The following OSBPL2 variants were observed in gnomAD, a reference collection of about 807,000 sequenced individuals.
OSBPL2 encodes oxysterol binding protein like 2, also known as oxysterol-binding protein-related protein 2.
In OSBPL2, 18 loss-of-function variants were observed where a neutral mutation model predicts 58.4. That is an observed-to-expected ratio of 0.31 (90% CI 0.21 to 0.46). The LOEUF is 0.46. Among genes scored for constraint, OSBPL2 ranks in the 20% least tolerant of loss-of-function variants. OSBPL2 has a pLI of 1.00. For missense variants in OSBPL2, 461 were observed against 616.5 expected (o/e 0.75, Z 2.67); for synonymous variants, 221 against 234.1 (o/e 0.94, Z 0.51).
intron 4 of OSBPL2, among the ~76,000 whole-genome samples, chr20:62,267,085 A>C (rs1981720087): frequency 6.6e-6 from 1 of 152,250 alleles, no homozygotes; most frequent in Non-Finnish European, 1.5e-5. Context: ...TCCCATCTCT[A>C]CAAAAAAGAA....
intron 4 of OSBPL2, among the ~76,000 whole-genome samples, chr20:62,264,476 C>A (rs146897930): frequency 2.6e-5 from 4 of 152,296 alleles, no homozygotes; most frequent in African/African-American, 4.8e-5. Flanking sequence ...GCGCTTGATG[C>A]CTGAAAACTC....
intron 7 of OSBPL2, chr20:62,280,084 C>A: frequency 7.7e-7 from 1 of 1,304,298 alleles, no homozygotes; most frequent in Non-Finnish European, 1.0e-6. Flanking sequence ...CAGACACAGA[C>A]CGGATGCTGG....
At chr20:62,274,389 C>T (rs79635576) in intron 6 of OSBPL2, among the ~76,000 whole-genome samples, 4,491 of 152,180 alleles carry the variant, frequency 0.03, 203 homozygotes, top group African/African-American at 0.1. Context: ...CCTTCAGGGC[C>T]GTTTGGTGAT....
chr20:62,280,482 G>A (rs566962122), intron 7 of OSBPL2, among the ~76,000 whole-genome samples: 7 of 152,362 alleles, frequency 4.6e-5, no homozygotes, highest in African/African-American at 7.2e-5. Context: ...AATTCCAGAC[G>A]TGTGGCAAAA....
intron 1 of OSBPL2, among the ~76,000 whole-genome samples, chr20:62,239,561 C>T (rs1481525130): frequency 1.3e-5 from 2 of 152,190 alleles, no homozygotes; most frequent in East Asian, 1.9e-4. Flanking sequence ...GGGATGACTG[C>T]CCGGAACACC....
chr20:62,289,027 G>C (rs530100776), intron 11 of OSBPL2, among the ~76,000 whole-genome samples, 180 bp from the exon 12 acceptor site: 34 of 152,298 alleles, frequency 2.2e-4, no homozygotes, highest in Middle Eastern at 3.4e-3. Flanking sequence ...TGCATGATAC[G>C]TGCTTAGTGA....
At chr20:62,274,185 C>A (rs906443896) in intron 6 of OSBPL2, among the ~76,000 whole-genome samples, 4 of 152,206 alleles carry the variant, frequency 2.6e-5, no homozygotes, top group African/African-American at 7.2e-5. Context: ...ACCTGGTTGC[C>A]CTGGGGACTG....
chr20:62,240,034 G>A (rs1979618684), intron 1 of OSBPL2, among the ~76,000 whole-genome samples: 1 of 152,004 alleles, frequency 6.6e-6, no homozygotes, highest in South Asian at 2.1e-4. Flanking sequence ...TTTATTTTTA[G>A]TAGAGATGGG....
chr20:62,269,443 G>A lies in OSBPL2; in HGVS notation c.259-2682G>A, dbSNP rs1030006377. ...TTGCTAGAAGCAGCCCAGTCCCCTC[G>A]TGGGGCTGCATCACTGTGCATTTCC... On this transcript the variant is annotated intron_variant, in intron 4 of 13. Transcript: ENST00000313733. This position sits in a 1 kb window ranked among gnomAD's most constrained non-coding sequence, Gnocchi z 4.2. 5.3e-5 allele frequency among the ~76,000 whole-genome samples: 8 copies of A among 152,204 alleles called. No homozygotes were observed. The highest frequency in any genetic ancestry group is 7.3e-5 in the Non-Finnish European group (5 of 68,038).
In OSBPL2 at chr20:62,250,015, GC is replaced by G. The variant is rs538033027; in HGVS notation, c.-128-6037del. Among the ~76,000 whole-genome samples the G allele has an allele frequency of 5.6e-4, 86 of 152,308 alleles. 1 individual carries two copies. The highest frequency in any genetic ancestry group is 1.9e-3 in the African/African-American group (79 of 41,564). The stretch of plus-strand genomic sequence containing the variant: ...CCTGGTCCTCCTGTCTTTTCTCCCT[GC>G]CCCCAAGGCTCACTCTGAGCTCAGC... On this transcript the variant is annotated intron_variant, in intron 1 of 13. Coordinates refer to ENST00000313733, the MANE Select transcript of OSBPL2 (RefSeq NM_144498.4).
intron 11 of OSBPL2, 52 bp from the exon 12 acceptor site, chr20:62,289,155 T>C: frequency 6.2e-7 from 1 of 1,602,190 alleles, no homozygotes; most frequent in Non-Finnish European, 8.5e-7. Context: ...TGGAGCATAG[T>C]CCATGGTTCA....
chr20:62,261,284 C>G (rs1981284707), intron 3 of OSBPL2, among the ~76,000 whole-genome samples: 1 of 149,650 alleles, frequency 6.7e-6, no homozygotes, highest in African/African-American at 2.5e-5. Context: ...CCGCTGCACT[C>G]CAGCCTGGGT....
intron 1 of OSBPL2, among the ~76,000 whole-genome samples, chr20:62,243,184 C>T (rs1436432648): frequency 6.6e-6 from 1 of 152,240 alleles, no homozygotes; most frequent in Non-Finnish European, 1.5e-5. Context: ...TACCCTCTTA[C>T]TGTGAAAGAG....
chr20:62,267,995 G>C (rs1296992317), intron 4 of OSBPL2, among the ~76,000 whole-genome samples: 1 of 151,554 alleles, frequency 6.6e-6, no homozygotes. Flanking sequence ...CAATTCTCCT[G>C]CCTCAGCCTC....
chr20:62,280,501 T>G (rs1440726477), intron 7 of OSBPL2, among the ~76,000 whole-genome samples: 3 of 152,234 alleles, frequency 2.0e-5, no homozygotes, highest in Non-Finnish European at 4.4e-5. Flanking sequence ...AATACCCTGC[T>G]CTGAGCAGAT....
At chr20:62,287,954 G>A (rs1318113472) in intron 11 of OSBPL2, among the ~76,000 whole-genome samples, 1 of 152,188 alleles carries the variant, frequency 6.6e-6, no homozygotes, top group Non-Finnish European at 1.5e-5. Context: ...GGGGCAGGTG[G>A]TTGACTCACA....
At chr20:62,291,030 T>C (rs996655142) in intron 12 of OSBPL2, among the ~76,000 whole-genome samples, 3 of 152,068 alleles carry the variant, frequency 2.0e-5, no homozygotes, top group Non-Finnish European at 4.4e-5. Context: ...CCTGGCCTAA[T>C]TTTTGTATTT....
At chr20:62,262,613 T>C (rs1981392780) in intron 3 of OSBPL2, among the ~76,000 whole-genome samples, 1 of 152,216 alleles carries the variant, frequency 6.6e-6, no homozygotes, top group Non-Finnish European at 1.5e-5. Context: ...CCCTGCCTCA[T>C]AGCTGCCATG....
At chr20:62,265,458 A>G (rs1981603362) in intron 4 of OSBPL2, among the ~76,000 whole-genome samples, 1 of 152,182 alleles carries the variant, frequency 6.6e-6, no homozygotes, top group African/African-American at 2.4e-5. Context: ...AGTTCAGCTT[A>G]TATTTTCCCT....
Sources: gnomAD v4.1 joint callset for allele counts (sites outside exome capture counted in the v4.1 genomes callset) on GRCh38, gnomAD v4.1.1 for gene constraint, Gnocchi (gnomAD v3.1) non-coding constraint, MANE v1.5 for transcripts, NCBI Gene and HGNC (gene_info 2026-07-23, HGNC 2026-07-21) for gene names.